Variants in RAB14 observed in about 807,000 individuals in gnomAD.
The protein encoded by RAB14 is ras-related protein Rab-14.
In RAB14, 3 loss-of-function variants were observed where a neutral mutation model predicts 31.1. The ratio of observed to expected loss-of-function variants is 0.10; its 90% CI spans 0.04 to 0.25. The LOEUF (loss-of-function observed/expected upper bound fraction) is 0.25. RAB14 is among the 10% of genes least tolerant of loss of function. The pLI is 1.00. For synonymous variants in RAB14, 85 were observed against 84.9 expected (o/e 1.00, Z 0.00); for missense variants, 111 against 260.1 (o/e 0.43, Z 3.94).
Position 121,181,146 on chromosome 9 carries a change from A to C in RAB14, c.*250T>G, listed in dbSNP as rs1281722029. On this transcript the variant is annotated 3_prime_UTR_variant, in exon 8 of 8. Coordinates refer to ENST00000373840, the MANE Select transcript of RAB14 (RefSeq NM_016322.4). ...ATATATTGGTGACATACTTATCACGAGGACAAGGGGGAAAAAAAGTCTAGA... is the reference window on the plus strand; with the variant it reads ...ATATATTGGTGACATACTTATCACGCGGACAAGGGGGAAAAAAAGTCTAGA... The C allele has an allele frequency of 2.9e-6, 1 of 341,418 alleles. No individual in the cohort carries two copies. Among genetic ancestry groups the C allele is most frequent in the African/African-American group, 2.1e-5 (1 of 47,758 alleles). The allele number at this position is 341,418 out of a possible 1,614,324, so 21.1% of individuals were successfully genotyped here.
At chr9:121,182,078 A>G (rs984336669) in intron 7 of RAB14, among the ~76,000 whole-genome samples, 15 of 152,268 alleles carry the variant, frequency 9.9e-5, no homozygotes, top group South Asian at 6.2e-4. Context: ...GCATACATAC[A>G]TACGTGTACT....
chr9:121,197,837 A>G (rs1419473168), intron 1 of RAB14, among the ~76,000 whole-genome samples: 1 of 152,192 alleles, frequency 6.6e-6, no homozygotes, highest in African/African-American at 2.4e-5. Context: ...TTTTTACAGC[A>G]AAAAACTGGA....
intron 4 of RAB14, among the ~76,000 whole-genome samples, chr9:121,188,727 C>T (rs1000368914): frequency 6.6e-6 from 1 of 152,016 alleles, no homozygotes; most frequent in Admixed American, 6.6e-5. Context: ...ATGACTGCAA[C>T]ACCAAAGTCA....
At chr9:121,191,680 C>G (rs960828790) in intron 3 of RAB14, among the ~76,000 whole-genome samples, 1 of 152,110 alleles carries the variant, frequency 6.6e-6, no homozygotes, top group Admixed American at 6.5e-5. Context: ...CTGTGGTAAG[C>G]AGCACAAAAA....
In RAB14 at chr9:121,181,190, T is replaced by C. The variant is rs778876911; in HGVS notation, c.*206A>G. 89 of 443,086 alleles carry C rather than the reference T, an allele frequency of 2.0e-4. No homozygotes were observed. Among genetic ancestry groups the C allele is most frequent in the Non-Finnish European group, 2.2e-4 (58 of 260,024 alleles). The allele number at this position is 443,086 out of a possible 1,614,324, so 27.4% of individuals were successfully genotyped here. The stretch of plus-strand genomic sequence containing the variant: ...GTCTAGATTTACCATGCAGGAGAGA[T>C]TTATTACTCTACTTGCCTTTGATAA... On this transcript the variant is annotated 3_prime_UTR_variant, in exon 8 of 8. Coordinates refer to ENST00000373840, the MANE Select transcript of RAB14 (RefSeq NM_016322.4).
chr9:121,195,120 T>C (rs1390370817), intron 1 of RAB14, among the ~76,000 whole-genome samples: 7 of 152,172 alleles, frequency 4.6e-5, no homozygotes, highest in African/African-American at 7.2e-5. Context: ...AACTTGGTCC[T>C]GAGACTAAAA....
intron 3 of RAB14, among the ~76,000 whole-genome samples, chr9:121,191,784 G>C (rs2053688138): frequency 6.6e-6 from 1 of 152,104 alleles, no homozygotes; most frequent in African/African-American, 2.4e-5. Context: ...ACCCAAGAAA[G>C]AGTAGAAAGA....
rs1389808417 is a variant in RAB14, at chr9:121,178,843, CAA to C, written c.*2551_*2552del. The C allele has an allele frequency of 1.3e-5, 2 of 152,192 alleles. No individual in the cohort carries two copies. Among genetic ancestry groups the C allele is most frequent in the African/African-American group, 4.8e-5 (2 of 41,456 alleles). 9.4% of individuals were successfully genotyped at this position (152,192 alleles called of 1,614,324 possible). ...CAGGTCCAAGGGCAATGAGCAACCT[CAA>C]GAGGCAGGTGACTGCACAAGCAGTA... On this transcript the variant is annotated 3_prime_UTR_variant, in exon 8 of 8. Transcript: ENST00000373840.
At chr9:121,183,224 A>T (rs564343433) in intron 6 of RAB14, 87 bp downstream of exon 6, 2 of 1,080,304 alleles carry the variant, frequency 1.9e-6, no homozygotes, top group East Asian at 2.5e-5. Context: ...TAAAAAAAAA[A>T]TGCAAAAAAA....
intron 4 of RAB14, among the ~76,000 whole-genome samples, chr9:121,187,783 G>A (rs1327998888): frequency 6.6e-6 from 1 of 151,960 alleles, no homozygotes; most frequent in Non-Finnish European, 1.5e-5. Context: ...ATCTACCAAA[G>A]GGGTCAAAGA....
intron 4 of RAB14, among the ~76,000 whole-genome samples, chr9:121,188,265 T>G (rs1394766112): frequency 6.6e-6 from 1 of 152,014 alleles, no homozygotes; most frequent in African/African-American, 2.4e-5. Context: ...TATCTTGACT[T>G]TATACAACAG....
At chr9:121,201,367 C>T (rs1381220818) in intron 1 of RAB14, among the ~76,000 whole-genome samples, 1 of 152,122 alleles carries the variant, frequency 6.6e-6, no homozygotes, top group Non-Finnish European at 1.5e-5. Flanking sequence ...ACACCCTTCC[C>T]TGCACGCCTC....
At chr9:121,193,278 T>C in intron 2 of RAB14, 83 bp downstream of exon 2, 1 of 898,256 alleles carries the variant, frequency 1.1e-6, no homozygotes, top group Non-Finnish European at 1.8e-6. Context: ...AGTCCTGAAG[T>C]GGTACTGTTT....
chr9:121,194,129 C>CACACACAT (rs1402959041), intron 1 of RAB14, among the ~76,000 whole-genome samples: 1 of 146,356 alleles, frequency 6.8e-6, no homozygotes, highest in South Asian at 2.2e-4. Flanking sequence ...CACACACACA[C>CACACACAT]ATTTTTTGAA....
chr9:121,194,591 T>C (rs1427188623), intron 1 of RAB14, among the ~76,000 whole-genome samples: 1 of 152,056 alleles, frequency 6.6e-6, no homozygotes, highest in African/African-American at 2.4e-5. Context: ...CAAAAATTAT[T>C]TATACATATA....
rs2053631212 is a variant in RAB14 at position 121,181,188 on chromosome 9, GATTT to G, written c.*204_*207del. ...AAGTCTAGATTTACCATGCAGGAGA[GATTT>G]ATTACTCTACTTGCCTTTGATAACC... On this transcript the variant is annotated 3_prime_UTR_variant, in exon 8 of 8. Transcript: ENST00000373840. 4.5e-6 allele frequency: 2 copies of G among 440,862 alleles called. No individual in the cohort carries two copies. Among genetic ancestry groups the G allele is most frequent in the Admixed American group, 4.0e-5 (1 of 24,718 alleles). 27.3% of individuals were successfully genotyped at this position (440,862 alleles called of 1,614,324 possible).
chr9:121,179,649 TAA>T lies in RAB14; in HGVS notation c.*1745_*1746del, dbSNP rs1564317541. The stretch of plus-strand genomic sequence containing the variant: ...AATCTACTCCAGAAATCTTATTTTT[TAA>T]AAAGTTAAACAAAGACAAAAATAAA... On this transcript the variant is annotated 3_prime_UTR_variant, in exon 8 of 8. Coordinates refer to ENST00000373840, the MANE Select transcript of RAB14 (RefSeq NM_016322.4). The T allele has an allele frequency of 6.6e-6, 1 of 152,646 alleles. No homozygotes were observed. The highest frequency in any genetic ancestry group is 2.4e-5 in the African/African-American group (1 of 41,452). The allele number at this position is 152,646 out of a possible 1,614,324, so 9.5% of individuals were successfully genotyped here. A position where few individuals can be genotyped will look rare whatever the true frequency, so the allele number is the denominator to read the frequency against.
chr9:121,194,094 T>TCACTCA (rs1491150655), intron 1 of RAB14, among the ~76,000 whole-genome samples: 1 of 138,956 alleles, frequency 7.2e-6, no homozygotes, highest in African/African-American at 3.0e-5. Flanking sequence ...AGATTATCAC[T>TCACTCA]CACACACACA....
chr9:121,189,450 GATC>G (rs2053675276), intron 4 of RAB14, among the ~76,000 whole-genome samples: 1 of 152,018 alleles, frequency 6.6e-6, no homozygotes, highest in Non-Finnish European at 1.5e-5. Context: ...TAATACTCTT[GATC>G]ATATCACAGA....
Sources: gnomAD v4.1 joint callset for allele counts (sites outside exome capture counted in the v4.1 genomes callset) on GRCh38, gnomAD v4.1.1 for gene constraint, MANE v1.5 for transcripts, NCBI Gene and HGNC (gene_info 2026-07-23, HGNC 2026-07-21) for gene names.